The following ARMH4 variants were observed in gnomAD, a reference collection of about 807,000 sequenced individuals.
The protein encoded by ARMH4 is armadillo-like helical domain-containing protein 4.
Under a neutral mutation model 61.9 loss-of-function variants are expected in ARMH4, and 49 were observed. The ratio of observed to expected loss-of-function variants is 0.79; its 90% CI spans 0.63 to 1.00. The LOEUF (loss-of-function observed/expected upper bound fraction) is 1.00. Ranked by LOEUF, ARMH4 falls within the 50% of genes least tolerant of loss-of-function variation. The pLI, the probability that ARMH4 is intolerant of heterozygous loss-of-function variation, is 0.00. For synonymous variants in ARMH4, 368 were observed against 341.5 expected (o/e 1.08, Z -0.85); for missense variants, 934 against 930.0 (o/e 1.00, Z -0.06).
chr14:58,122,927 A>G (rs1399978487), intron 4 of ARMH4, among the ~76,000 whole-genome samples: 1 of 152,100 alleles, frequency 6.6e-6, no homozygotes, highest in African/African-American at 2.4e-5. Flanking sequence ...AGCCCATGCC[A>G]TCACCCTCAC....
intron 1 of ARMH4, among the ~76,000 whole-genome samples, chr14:58,140,346 C>T (rs1345048833): frequency 2.7e-5 from 4 of 149,284 alleles, no homozygotes; most frequent in Non-Finnish European, 5.9e-5. Context: ...TTTAGGAGGC[C>T]GAGGCCAGCA....
chr14:58,048,846 T>C (rs1884026892), intron 5 of ARMH4, among the ~76,000 whole-genome samples: 1 of 152,154 alleles, frequency 6.6e-6, no homozygotes, highest in Admixed American at 6.5e-5. Flanking sequence ...GCACCCATAA[T>C]TAAACTCTTT....
chr14:58,148,169 C>T (rs1887803990), intron 1 of ARMH4, among the ~76,000 whole-genome samples: 1 of 152,174 alleles, frequency 6.6e-6, no homozygotes, highest in Admixed American at 6.5e-5. Flanking sequence ...GCCTCAGCCT[C>T]CCGAGTAGCT....
intron 4 of ARMH4, among the ~76,000 whole-genome samples, chr14:58,121,700 T>G (rs1223934312): frequency 6.6e-6 from 1 of 152,146 alleles, no homozygotes; most frequent in Non-Finnish European, 1.5e-5. Context: ...CACGATGATT[T>G]CAGGAAAAGA....
intron 5 of ARMH4, among the ~76,000 whole-genome samples, chr14:58,085,424 C>T (rs539895043): frequency 2.4e-4 from 36 of 151,674 alleles, no homozygotes; most frequent in African/African-American, 7.7e-4. Context: ...ACTGAGCCTA[C>T]GAGTGCATTC....
At chr14:58,127,793 G>C (rs1483216193) in intron 4 of ARMH4, among the ~76,000 whole-genome samples, 1 of 151,988 alleles carries the variant, frequency 6.6e-6, no homozygotes, top group Non-Finnish European at 1.5e-5. Flanking sequence ...GCACCAACTG[G>C]CTCCCCATTT....
At chr14:58,022,539 A>G (rs1882878359) in intron 5 of ARMH4, among the ~76,000 whole-genome samples, 8 of 152,196 alleles carry the variant, frequency 5.3e-5, no homozygotes, top group Admixed American at 5.2e-4. Flanking sequence ...AATCCCCAGC[A>G]GCAAGGAGCT....
chr14:58,092,913 A>T (rs2141258035), intron 5 of ARMH4, among the ~76,000 whole-genome samples: 1 of 151,100 alleles, frequency 6.6e-6, no homozygotes, highest in East Asian at 2.0e-4. Context: ...ACTCCTGGTG[A>T]TATGGTTTGG....
intron 5 of ARMH4, among the ~76,000 whole-genome samples, chr14:58,028,447 C>A (rs985687984): frequency 6.6e-6 from 1 of 152,168 alleles, no homozygotes; most frequent in Non-Finnish European, 1.5e-5. Flanking sequence ...GTCTTTTATT[C>A]TCTCTCACTC....
At chr14:58,008,320 C>CCAGGTAAAG (rs1882262526) in intron 6 of ARMH4, among the ~76,000 whole-genome samples, 1 of 152,108 alleles carries the variant, frequency 6.6e-6, no homozygotes, top group Non-Finnish European at 1.5e-5. Flanking sequence ...GCAGGCGCAT[C>CCAGGTAAAG]CAGGTAAAGG....
chr14:58,057,905 C>A (rs1405454031), intron 5 of ARMH4, among the ~76,000 whole-genome samples: 1 of 152,142 alleles, frequency 6.6e-6, no homozygotes, highest in Non-Finnish European at 1.5e-5. Context: ...GGTTAGTAAA[C>A]CTATTTGAGT....
chr14:58,016,375 T>C (rs2141139803), intron 5 of ARMH4, among the ~76,000 whole-genome samples: 1 of 152,334 alleles, frequency 6.6e-6, no homozygotes, highest in Admixed American at 6.5e-5. Context: ...TGTAGTATAA[T>C]GTAAGCCTGA....
chr14:58,117,526 C>T (rs1404145375), intron 4 of ARMH4, among the ~76,000 whole-genome samples: 2 of 152,170 alleles, frequency 1.3e-5, no homozygotes, highest in Non-Finnish European at 2.9e-5. Context: ...TTTTATCATA[C>T]TTACATGCAT....
At chr14:58,133,402 T>G (rs1342030086) in intron 2 of ARMH4, 61 bp from the exon 3 acceptor site, 2 of 1,345,622 alleles carry the variant, frequency 1.5e-6, no homozygotes, top group Non-Finnish European at 1.0e-6. Flanking sequence ...AAAAAAAAAA[T>G]CATGATATGA....
In ARMH4 at chr14:58,081,677, A is replaced by G. The variant is rs145264111; in HGVS notation, c.2089+15047T>C. ...CACCACGCCTGGCTAATTTTTTTGT[A>G]TTTTTTAGTGAAGATGGGGTTTCAC... On this transcript the variant is annotated intron_variant, in intron 5 of 7. Coordinates refer to ENST00000267485, the MANE Select transcript of ARMH4 (RefSeq NM_001001872.4). Among the ~76,000 whole-genome samples, 1,192 of 150,900 alleles carry G rather than the reference A, an allele frequency of 7.9e-3. 4 individuals are homozygous for G. Among genetic ancestry groups the G allele is most frequent in the Middle Eastern group, 0.01 (3 of 294 alleles).
intron 5 of ARMH4, among the ~76,000 whole-genome samples, chr14:58,038,570 A>C (rs1883569946): frequency 6.6e-6 from 1 of 151,846 alleles, no homozygotes; most frequent in Non-Finnish European, 1.5e-5. Context: ...AATTAAAAAA[A>C]AAAAAAGAAA....
chr14:58,013,587 C>T (rs1372998579), intron 5 of ARMH4, among the ~76,000 whole-genome samples: 1 of 152,144 alleles, frequency 6.6e-6, no homozygotes, highest in African/African-American at 2.4e-5. Context: ...AGCATGCACA[C>T]AGCTCCACCC....
intron 5 of ARMH4, among the ~76,000 whole-genome samples, chr14:58,048,716 A>G (rs575843761): frequency 5.9e-5 from 9 of 152,364 alleles, no homozygotes; most frequent in African/African-American, 1.9e-4. Context: ...CAAGGGGCAA[A>G]ACAAGAGCGA....
At chr14:58,042,439 C>T (rs1883760023) in intron 5 of ARMH4, among the ~76,000 whole-genome samples, 2 of 152,286 alleles carry the variant, frequency 1.3e-5, no homozygotes, top group African/African-American at 2.4e-5. Context: ...CTCTGGGACA[C>T]ATTCAAAGCA....
Sources: gnomAD v4.1 joint callset for allele counts (sites outside exome capture counted in the v4.1 genomes callset) on GRCh38, gnomAD v4.1.1 for gene constraint, MANE v1.5 for transcripts, NCBI Gene and HGNC (gene_info 2026-07-23, HGNC 2026-07-21) for gene names.